Variants in ALK observed in about 807,000 individuals in gnomAD.
The protein encoded by ALK is ALK receptor tyrosine kinase, also known as ALK tyrosine kinase receptor.
A neutral mutation model predicts 163.1 loss-of-function variants in ALK; 74 were observed. That is an observed-to-expected ratio of 0.45 (90% CI 0.38 to 0.55). The LOEUF (loss-of-function observed/expected upper bound fraction) is 0.55. ALK is among the 20% of genes least tolerant of loss of function. The probability of loss-of-function intolerance (pLI) is 0.00; values close to 1 mark genes in which losing one functional copy is unlikely to be tolerated. For missense variants in ALK, 2,063 were observed against 2,105.3 expected (o/e 0.98, Z 0.39); for synonymous variants, 960 against 843.2 (o/e 1.14, Z -2.40).
chr2:29,625,567 G>A (rs1676169045), intron 3 of ALK, among the ~76,000 whole-genome samples: 1 of 152,170 alleles, frequency 6.6e-6, no homozygotes, highest in Non-Finnish European at 1.5e-5. Context: ...GTAGACATGT[G>A]TCCCTTAATG....
At chr2:29,250,702 G>A (rs917468905) in intron 12 of ALK, among the ~76,000 whole-genome samples, 1 of 152,244 alleles carries the variant, frequency 6.6e-6, no homozygotes, top group African/African-American at 2.4e-5. Flanking sequence ...GCCCAGGAAA[G>A]GAGGCGCAAG....
chr2:29,331,395 A>C (rs547030339), intron 5 of ALK, among the ~76,000 whole-genome samples: 7 of 152,340 alleles, frequency 4.6e-5, no homozygotes, highest in African/African-American at 1.7e-4. Context: ...GGGCCTGTGC[A>C]GATTTGGGGG....
chr2:29,839,799 T>G (rs993420005), intron 1 of ALK, among the ~76,000 whole-genome samples: 7 of 152,182 alleles, frequency 4.6e-5, no homozygotes, highest in Admixed American at 3.3e-4. Context: ...TCTTGGTGTC[T>G]CTTCTGTGAG....
At chr2:29,410,393 G>A (rs936373936) in intron 4 of ALK, among the ~76,000 whole-genome samples, 6 of 152,158 alleles carry the variant, frequency 3.9e-5, no homozygotes, top group African/African-American at 1.2e-4. Context: ...AAGTTGTCCC[G>A]CCTTTCTAGA....
chr2:29,835,910 T>A (rs2148391323), intron 1 of ALK, among the ~76,000 whole-genome samples: 1 of 152,312 alleles, frequency 6.6e-6, no homozygotes, highest in East Asian at 1.9e-4. Flanking sequence ...TCTTTACAAA[T>A]CACCCAGTCT....
chr2:29,763,669 G>A (rs1037441667), intron 1 of ALK, among the ~76,000 whole-genome samples: 2 of 152,146 alleles, frequency 1.3e-5, no homozygotes, highest in African/African-American at 2.4e-5. Flanking sequence ...AGGCTATAGC[G>A]AGGATTGAGG....
intron 1 of ALK, among the ~76,000 whole-genome samples, chr2:29,846,675 A>T (rs1665851299): frequency 1.3e-5 from 2 of 152,216 alleles, no homozygotes; most frequent in Admixed American, 6.5e-5. Flanking sequence ...AAGCAATACC[A>T]TCCTCCTCCA....
At chr2:29,283,104 C>G (rs1275080602) in intron 9 of ALK, among the ~76,000 whole-genome samples, 1 of 152,180 alleles carries the variant, frequency 6.6e-6, no homozygotes, top group East Asian at 1.9e-4. Flanking sequence ...CAGTCAAATG[C>G]CAAGTGCCCT....
chr2:29,315,264 G>C (rs982344389), intron 8 of ALK, among the ~76,000 whole-genome samples: 1 of 152,076 alleles, frequency 6.6e-6, no homozygotes, highest in African/African-American at 2.4e-5. Flanking sequence ...GGAGCCTGGA[G>C]GGAGGAGGTG....
intron 3 of ALK, among the ~76,000 whole-genome samples, chr2:29,559,970 C>G (rs1673975878): frequency 6.6e-6 from 1 of 152,074 alleles, no homozygotes; most frequent in Admixed American, 6.6e-5. Flanking sequence ...ATATACACAC[C>G]AGATTTTGAA....
chr2:29,458,472 C>T (rs1225575798), intron 4 of ALK, among the ~76,000 whole-genome samples: 1 of 152,142 alleles, frequency 6.6e-6, no homozygotes. Context: ...ATCATTACAC[C>T]TTGATTGGGC....
At chr2:29,266,383 T>C (rs777512448) in intron 11 of ALK, among the ~76,000 whole-genome samples, 1 of 152,168 alleles carries the variant, frequency 6.6e-6, no homozygotes, top group Non-Finnish European at 1.5e-5. Context: ...CACAAAAGTG[T>C]GCACAACTCA....
At chr2:29,335,052 C>T (rs1382642094) in intron 5 of ALK, among the ~76,000 whole-genome samples, 5 of 152,132 alleles carry the variant, frequency 3.3e-5, no homozygotes, top group East Asian at 1.9e-4. Flanking sequence ...CTGGCCACAG[C>T]CTGCAGAGCA....
intron 3 of ALK, among the ~76,000 whole-genome samples, chr2:29,632,521 G>T (rs13429842): frequency 0.078 from 11,933 of 152,134 alleles, 856 homozygotes; most frequent in African/African-American, 0.19. Flanking sequence ...GCCCTAATCT[G>T]ATAGAATTGG....
intron 4 of ALK, among the ~76,000 whole-genome samples, chr2:29,385,038 T>C (rs375289704): frequency 1.1e-4 from 16 of 151,706 alleles, no homozygotes; most frequent in African/African-American, 3.9e-4. Context: ...ATACAGACTC[T>C]TGTCTCAAAA....
intron 4 of ALK, among the ~76,000 whole-genome samples, chr2:29,398,944 C>A (rs1669376645): frequency 6.6e-6 from 1 of 152,156 alleles, no homozygotes; most frequent in Non-Finnish European, 1.5e-5. Flanking sequence ...TTCATGGCTA[C>A]AGGGTGAGGC....
intron 3 of ALK, among the ~76,000 whole-genome samples, chr2:29,617,481 G>A (rs1008575946): frequency 9.2e-5 from 14 of 152,162 alleles, no homozygotes; most frequent in African/African-American, 3.1e-4. Context: ...TTCAGGGGAT[G>A]GTGTGATAAC....
At chr2:29,339,464 G>T (rs939676392) in intron 5 of ALK, among the ~76,000 whole-genome samples, 4 of 152,184 alleles carry the variant, frequency 2.6e-5, no homozygotes, top group Admixed American at 2.6e-4. Flanking sequence ...TGCGGAGGGA[G>T]GCCAAGGCCC....
intron 3 of ALK, among the ~76,000 whole-genome samples, chr2:29,638,570 C>T (rs1229101360): frequency 6.6e-6 from 1 of 152,068 alleles, no homozygotes; most frequent in South Asian, 2.1e-4. Flanking sequence ...GGCATGTACA[C>T]CAAGGATGTG....
Sources: allele counts gnomAD v4.1 joint callset (sites outside exome capture counted in the v4.1 genomes callset), GRCh38; gene constraint gnomAD v4.1.1; transcripts MANE v1.5; gene names NCBI Gene and HGNC (gene_info 2026-07-23, HGNC 2026-07-21).